SYTL2: variants seen among roughly 807,000 people sequenced by gnomAD.
SYTL2 encodes synaptotagmin like 2, also known as synaptotagmin-like protein 2.
A neutral mutation model predicts 198.7 loss-of-function variants in SYTL2; 165 were observed. The ratio of observed to expected loss-of-function variants is 0.83; its 90% confidence interval spans 0.73 to 0.94. SYTL2 has a LOEUF of 0.94. Among genes scored for constraint, SYTL2 ranks in the 40% least tolerant of loss-of-function variants. The probability of loss-of-function intolerance (pLI) is 0.00; values close to 1 mark genes in which losing one functional copy is unlikely to be tolerated. For missense variants in SYTL2, 2,835 were observed against 2,582.8 expected (o/e 1.10, Z -2.12); for synonymous variants, 966 against 917.7 (o/e 1.05, Z -0.95).
chr11:85,717,515 T>G lies in SYTL2; in HGVS notation c.5498A>C (p.Gln1833Pro), dbSNP rs140492159. 6 of 1,613,184 alleles carry G rather than the reference T, an allele frequency of 3.7e-6. No homozygotes were observed. In the African/African-American group the frequency reaches 8.0e-5, roughly 22 times the overall value. Residue 1833 changes from glutamine (Q) to proline (P), a missense_variant, in exon 11 of 20, where the codon CAG becomes CCG. Gln to Pro is a moderately conservative substitution (Grantham distance 76). Around this residue, in one of 3 missense-constraint regions of SYTL2, gnomAD observed 2,645 missense variants for 2,381.7 expected, o/e 1.11. Transcript: ENST00000359152. ...TACGCATTCATTTGTAACTGGCTTC[T>G]GATCTGGTTTCTCATCTACTCAGGA... The part of the protein sequence containing the change: ...RSAEDDEKPD[Q>P]KPVTNECVPR...
intron 9 of SYTL2, 47 bp from the exon 10 acceptor site, chr11:85,718,890 G>C (rs749733845): frequency 1.9e-6 from 3 of 1,604,208 alleles, no homozygotes; most frequent in Non-Finnish European, 1.7e-6. Context: ...GACCCTTGGA[G>C]AGAAAAGAAC....
the SYTL2 span, among the ~76,000 whole-genome samples, chr11:85,826,513 G>C: frequency 2.6e-5 from 4 of 152,226 alleles, no homozygotes; most frequent in African/African-American, 9.6e-5. Flanking sequence ...ATGTCCAGAG[G>C]TCAAGGAGGC....
At chr11:85,847,033 C>G in the SYTL2 span, among the ~76,000 whole-genome samples, 24 of 152,180 alleles carry the variant, frequency 1.6e-4, no homozygotes, top group African/African-American at 5.1e-4. Flanking sequence ...CGTGCCCAGC[C>G]TGAAACCATT....
At chr11:85,853,153 G>C in the SYTL2 span, 1 of 327,246 alleles carries the variant, frequency 3.1e-6, no homozygotes, top group African/African-American at 2.3e-5. Flanking sequence ...CACCCCGTCT[G>C]GGAGGCGTAC....
chr11:85,849,398 T>G, the SYTL2 span, among the ~76,000 whole-genome samples: 1 of 152,186 alleles, frequency 6.6e-6, no homozygotes, highest in Non-Finnish European at 1.5e-5. Flanking sequence ...TGCCTAGGTT[T>G]TCTTCTAGGG....
chr11:85,694,810 A>C lies in SYTL2; in HGVS notation c.*385T>G, dbSNP rs1385991004. 6.4e-6 allele frequency: 1 copy of C among 155,756 alleles called. No homozygotes were observed. The highest frequency in any genetic ancestry group is 2.4e-5 in the African/African-American group (1 of 41,534). The allele number at this position is 155,756 out of a possible 1,614,324, so 9.6% of individuals were successfully genotyped here. On this transcript the variant is annotated 3_prime_UTR_variant, in exon 20 of 20. Coordinates refer to ENST00000359152, the MANE Select transcript of SYTL2 (RefSeq NM_206927.4). Reference sequence around the variant, plus strand: ...TTCCCACAACCTACAAAGGTCCTGCAAGGGTACCAGACCCTCTTAACTGTG... The same window carrying C: ...TTCCCACAACCTACAAAGGTCCTGCCAGGGTACCAGACCCTCTTAACTGTG...
intron 9 of SYTL2, among the ~76,000 whole-genome samples, chr11:85,720,561 A>T (rs2088140526): frequency 6.6e-6 from 1 of 152,242 alleles, no homozygotes. Context: ...CACTAATACT[A>T]CTAGCTACCA....
At position 85,720,867 on chromosome 11, in the gene SYTL2, C is replaced by A. The variant is rs150441315; in HGVS notation, c.5419G>T (p.Asp1807Tyr). 6.2e-7 allele frequency: 1 copy of A among 1,611,296 alleles called. No individual in the cohort carries two copies. Among genetic ancestry groups the A allele is most frequent in the African/African-American group, 1.3e-5 (1 of 74,858 alleles). ...CGAACTTTATTCTCACTTGATGAATCTGATGAAATGTCTTCTAGACTTTTG... is the reference window on the plus strand; with the variant it reads ...CGAACTTTATTCTCACTTGATGAATATGATGAAATGTCTTCTAGACTTTTG... ...PSKSLEDISSDSSNQAKVDNQ... is the reference protein window; with the variant it reads ...PSKSLEDISSYSSNQAKVDNQ... Residue 1807 changes from aspartate (D) to tyrosine (Y), a missense_variant, in exon 9 of 20, where the codon GAT becomes TAT. This residue lies in a region of SYTL2 where 2,645 missense variants were observed against 2,381.7 expected (regional missense o/e 1.11). Coordinates refer to ENST00000359152, the MANE Select transcript of SYTL2 (RefSeq NM_206927.4).
chr11:85,727,335 T>C lies in SYTL2; in HGVS notation c.2023A>G (p.Lys675Glu). ...SNSNYSYSVL[K>E]ESDAENQVPC... ...ACTTGGTTTTCTGCATCAGATTCCT[T>C]GAGAACACTGTAGGAATAGTTACTA... The change falls in exon 8 of 20, where the codon AAG becomes GAG. Residue 675 changes from lysine (K) to glutamate (E), a missense_variant. This residue lies in a region of SYTL2 where 2,645 missense variants were observed against 2,381.7 expected (regional missense o/e 1.11). Coordinates refer to ENST00000359152, the MANE Select transcript of SYTL2 (RefSeq NM_206927.4). 1 of 1,536,006 alleles carries C rather than the reference T, an allele frequency of 6.5e-7. No individual in the cohort carries two copies. Among genetic ancestry groups the C allele is most frequent in the Non-Finnish European group, 8.7e-7 (1 of 1,146,810 alleles).
intron 1 of SYTL2, among the ~76,000 whole-genome samples, chr11:85,769,498 T>C (rs1012034849): frequency 1.4e-4 from 21 of 152,262 alleles, no homozygotes; most frequent in African/African-American, 5.1e-4. Flanking sequence ...TGTTGATCTC[T>C]TGATTTTAGC....
the SYTL2 span, among the ~76,000 whole-genome samples, chr11:85,823,826 TC>T: frequency 3.9e-5 from 6 of 152,202 alleles, no homozygotes; most frequent in African/African-American, 1.4e-4. Flanking sequence ...CAAATAACAC[TC>T]AAAAGTTTTC....
At chr11:85,790,320 C>T (rs887272239) in intron 1 of SYTL2, among the ~76,000 whole-genome samples, 1 of 152,098 alleles carries the variant, frequency 6.6e-6, no homozygotes, top group African/African-American at 2.4e-5. Flanking sequence ...TCACTTGGTT[C>T]AACCTAATAT....
chr11:85,698,197 T>A, intron 17 of SYTL2, 119 bp from the exon 18 acceptor site: 1 of 662,210 alleles, frequency 1.5e-6, no homozygotes, highest in Non-Finnish European at 2.7e-6. Context: ...TTTGATGATA[T>A]CATCTGAACT....
intron 4 of SYTL2, among the ~76,000 whole-genome samples, chr11:85,741,071 GT>G (rs113206695): frequency 0.08 from 11,597 of 145,694 alleles, 486 homozygotes; most frequent in African/African-American, 0.11. Context: ...TTTTTCTGAG[GT>G]TTTTTTTTTT....
Position 85,724,936 on chromosome 11 carries a change from G to A in SYTL2, c.4422C>T (p.Gly1474=), listed in dbSNP as rs2088909485. 6.2e-7 allele frequency: 1 copy of A among 1,613,884 alleles called. No individual in the cohort carries two copies. The highest frequency in any genetic ancestry group is 1.3e-5 in the African/African-American group (1 of 74,898). The part of the protein sequence containing the change: ...FASIVAQYGK[G]LPQEVEEIVR... ...CAATTTCTTCCACTTCCTGAGGGAG[G>A]CCTTTGCCATATTGAGCAACAATGG... Residue 1474 remains glycine, a synonymous_variant, in exon 8 of 20, where the codon GGC becomes GGT. Coordinates refer to ENST00000359152, the MANE Select transcript of SYTL2 (RefSeq NM_206927.4).
the SYTL2 span, among the ~76,000 whole-genome samples, chr11:85,831,997 G>A: frequency 6.6e-6 from 1 of 152,028 alleles, no homozygotes; most frequent in Non-Finnish European, 1.5e-5. Flanking sequence ...GACAATTTCT[G>A]GAATAATTCA....
chr11:85,840,484 T>C, the SYTL2 span, among the ~76,000 whole-genome samples: 4 of 152,094 alleles, frequency 2.6e-5, no homozygotes, highest in African/African-American at 4.8e-5. Flanking sequence ...CTTCAAACTA[T>C]ACTACAGGGC....
chr11:85,751,186 A>C (rs543913854), intron 2 of SYTL2, among the ~76,000 whole-genome samples: 70 of 152,362 alleles, frequency 4.6e-4, no homozygotes, highest in Middle Eastern at 3.4e-3. Flanking sequence ...GTTAAGTGCC[A>C]CTTACATATT....
chr11:85,706,359 C>T (rs781372718), intron 15 of SYTL2, among the ~76,000 whole-genome samples: 25 of 152,272 alleles, frequency 1.6e-4, no homozygotes, highest in Non-Finnish European at 3.1e-4. Flanking sequence ...TTGGTCCCTA[C>T]CCTCATGGAA....
Sources: allele counts gnomAD v4.1 joint callset (sites outside exome capture counted in the v4.1 genomes callset), GRCh38; gene constraint gnomAD v4.1.1; regional missense constraint gnomAD v4.1.1; transcripts MANE v1.5; gene names NCBI Gene and HGNC (gene_info 2026-07-23, HGNC 2026-07-21).